Variants in PXDNL observed in about 807,000 individuals in gnomAD.
PXDNL encodes probable oxidoreductase PXDNL.
A neutral mutation model predicts 150.8 loss-of-function variants in PXDNL; 145 were observed. The ratio of observed to expected loss-of-function variants is 0.96; its 90% CI spans 0.84 to 1.10. The LOEUF is 1.10. PXDNL is among the 50% of genes least tolerant of loss of function. The probability of loss-of-function intolerance (pLI) is 0.00; values close to 1 mark genes in which losing one functional copy is unlikely to be tolerated. For synonymous variants in PXDNL, 757 were observed against 725.7 expected (o/e 1.04, Z -0.69); for missense variants, 2,087 against 1,873.9 (o/e 1.11, Z -2.10).
At chr8:51,417,590 T>C (rs946838682) in intron 14 of PXDNL, among the ~76,000 whole-genome samples, 6 of 152,186 alleles carry the variant, frequency 3.9e-5, no homozygotes, top group African/African-American at 9.7e-5. Flanking sequence ...CAATTACCAA[T>C]TGGGTTTTGA....
chr8:51,609,339 G>A (rs6997338), intron 2 of PXDNL, among the ~76,000 whole-genome samples: 54,226 of 152,122 alleles, frequency 0.36, 12,785 homozygotes, highest in African/African-American at 0.66. Flanking sequence ...GAGGACTCCA[G>A]TGGGGGCAGG....
chr8:51,355,396 T>C (rs1806475674), intron 19 of PXDNL, among the ~76,000 whole-genome samples: 1 of 152,200 alleles, frequency 6.6e-6, no homozygotes, highest in Non-Finnish European at 1.5e-5. Context: ...GAACTTAATG[T>C]GACGTATGCA....
At chr8:51,712,960 T>A (rs865880173) in intron 1 of PXDNL, among the ~76,000 whole-genome samples, 1 of 152,214 alleles carries the variant, frequency 6.6e-6, no homozygotes, top group Non-Finnish European at 1.5e-5. Flanking sequence ...ATAAAAAATC[T>A]GGAAGGCTGA....
At chr8:51,495,651 C>T (rs1278327097) in intron 5 of PXDNL, among the ~76,000 whole-genome samples, 11 of 152,150 alleles carry the variant, frequency 7.2e-5, no homozygotes, top group African/African-American at 1.7e-4. Flanking sequence ...ACTATAAACA[C>T]CTCTATGCAA....
chr8:51,754,597 G>A (rs997475688), intron 1 of PXDNL, among the ~76,000 whole-genome samples: 5 of 152,002 alleles, frequency 3.3e-5, no homozygotes, highest in African/African-American at 1.2e-4. Context: ...TCCGCCTCCT[G>A]GGTTCATTCC....
intron 19 of PXDNL, among the ~76,000 whole-genome samples, chr8:51,360,236 C>T (rs76057719): frequency 0.011 from 1,613 of 152,234 alleles, 25 homozygotes; most frequent in Middle Eastern, 0.02. Context: ...TACAAATATG[C>T]ATGTACATAC....
At chr8:51,381,819 ATT>A (rs755101852) in intron 17 of PXDNL, among the ~76,000 whole-genome samples, 2 of 146,162 alleles carry the variant, frequency 1.4e-5, no homozygotes, top group African/African-American at 2.5e-5. Flanking sequence ...CGCCCAGCTA[ATT>A]TTTTTTTTTT....
intron 4 of PXDNL, among the ~76,000 whole-genome samples, chr8:51,512,620 A>G (rs1811445650): frequency 6.6e-6 from 1 of 152,232 alleles, no homozygotes; most frequent in South Asian, 2.1e-4. Flanking sequence ...AAACAGCCAC[A>G]TGTAGTTTTT....
At chr8:51,802,123 A>G (rs1379656570) in intron 1 of PXDNL, among the ~76,000 whole-genome samples, 1 of 151,744 alleles carries the variant, frequency 6.6e-6, no homozygotes, top group Non-Finnish European at 1.5e-5. Flanking sequence ...TAAAGAAGTT[A>G]GTAGACAGGA....
chr8:51,478,385 C>T (rs1810528275), intron 6 of PXDNL, among the ~76,000 whole-genome samples: 2 of 152,156 alleles, frequency 1.3e-5, no homozygotes, highest in Non-Finnish European at 2.9e-5. Context: ...ATTCTCTGCT[C>T]AATGAAAAAT....
At chr8:51,344,642 ATTTG>A (rs1349271100) in intron 20 of PXDNL, among the ~76,000 whole-genome samples, 3 of 152,192 alleles carry the variant, frequency 2.0e-5, no homozygotes, top group Non-Finnish European at 4.4e-5. Flanking sequence ...GTGAGTTAAT[ATTTG>A]TTTGATGCTT....
At chr8:51,764,595 A>G (rs2037205386) in intron 1 of PXDNL, among the ~76,000 whole-genome samples, 2 of 152,048 alleles carry the variant, frequency 1.3e-5, no homozygotes, top group South Asian at 4.1e-4. Flanking sequence ...TAATTTCCAC[A>G]TAATTGTTAA....
chr8:51,698,114 G>GTAGTCA (rs1480723199), intron 1 of PXDNL, among the ~76,000 whole-genome samples: 1 of 152,170 alleles, frequency 6.6e-6, no homozygotes, highest in Admixed American at 6.5e-5. Flanking sequence ...GACTGATCAG[G>GTAGTCA]GTGGTAGTTG....
At chr8:51,785,795 C>A (rs1172739287) in intron 1 of PXDNL, among the ~76,000 whole-genome samples, 1 of 152,198 alleles carries the variant, frequency 6.6e-6, no homozygotes, top group Non-Finnish European at 1.5e-5. Context: ...CAACTAATAA[C>A]CCTCCCACAG....
chr8:51,696,688 C>G (rs1014604051), intron 1 of PXDNL, among the ~76,000 whole-genome samples: 1 of 143,386 alleles, frequency 7.0e-6, no homozygotes, highest in Admixed American at 7.0e-5. Flanking sequence ...TCCACACACA[C>G]AGGTCCACAC....
At chr8:51,415,014 G>A (rs1227892742) in intron 14 of PXDNL, among the ~76,000 whole-genome samples, 2 of 152,296 alleles carry the variant, frequency 1.3e-5, no homozygotes, top group Non-Finnish European at 2.9e-5. Context: ...ATAGGACTGT[G>A]GAATTGACAC....
chr8:51,628,177 C>G (rs1483529735), intron 2 of PXDNL, among the ~76,000 whole-genome samples: 1 of 151,982 alleles, frequency 6.6e-6, no homozygotes, highest in Non-Finnish European at 1.5e-5. Flanking sequence ...AGAAAAGACC[C>G]AAGAAAACCC....
intron 5 of PXDNL, among the ~76,000 whole-genome samples, chr8:51,487,504 A>G (rs1015718751): frequency 6.6e-6 from 1 of 151,954 alleles, no homozygotes; most frequent in Non-Finnish European, 1.5e-5. Flanking sequence ...AATACCAACC[A>G]TAAATTTTTA....
chr8:51,381,934 T>C (rs1807562095), intron 17 of PXDNL, among the ~76,000 whole-genome samples: 2 of 151,784 alleles, frequency 1.3e-5, no homozygotes, highest in African/African-American at 2.4e-5. Context: ...TTCATAACAA[T>C]AGTGAATTTT....
Sources: gnomAD v4.1 joint callset for allele counts (sites outside exome capture counted in the v4.1 genomes callset) on GRCh38, gnomAD v4.1.1 for gene constraint, MANE v1.5 for transcripts, NCBI Gene and HGNC (gene_info 2026-07-23, HGNC 2026-07-21) for gene names.